PACSIN1: variants seen among roughly 807,000 people sequenced by gnomAD.
The protein encoded by PACSIN1 is protein kinase C and casein kinase substrate in neurons protein 1.
A neutral mutation model predicts 59.5 loss-of-function variants in PACSIN1; 15 were observed. That is an observed-to-expected ratio of 0.25 (90% CI 0.17 to 0.39). The LOEUF is 0.39. Ranked by LOEUF, PACSIN1 falls within the 10% of genes least tolerant of loss-of-function variation. PACSIN1 has a pLI of 1.00. For synonymous variants in PACSIN1, 210 were observed against 220.6 expected (o/e 0.95, Z 0.42); for missense variants, 420 against 580.2 (o/e 0.72, Z 2.84).
At chr6:34,496,941 CTTTTTT>C (rs11464603) in intron 1 of PACSIN1, among the ~76,000 whole-genome samples, 2 of 100,806 alleles carry the variant, frequency 2.0e-5, no homozygotes, top group Non-Finnish European at 3.6e-5. Context: ...CTCTCTCTCT[CTTTTTT>C]TTTTTTTTTT....
At position 34,530,328 on chromosome 6, in the gene PACSIN1, G is replaced by A; in HGVS notation, c.874G>A (p.Gly292Ser). Residue 292 changes from glycine to serine, a missense_variant, in exon 7 of 10, where the codon GGC (glycine) becomes AGC (serine). Coordinates refer to ENST00000244458, the MANE Select transcript of PACSIN1 (RefSeq NM_020804.5). The surrounding 1 kb of genome is among the most constrained non-coding windows in gnomAD (Gnocchi z 4.4). ...CCTCAGATGGTTCCGCAGCACCAGT[G>A]GCCCCGGCATGCCCATGAACTGGCC... ...EDLRWFRSTS[G>S]PGMPMNWPQF... The A allele has an allele frequency of 6.2e-7, 1 of 1,614,142 alleles. No individual in the cohort carries two copies. Among genetic ancestry groups the A allele is most frequent in the Non-Finnish European group, 8.5e-7 (1 of 1,180,026 alleles).
rs535826368 is a variant in PACSIN1 at position 34,510,530 on chromosome 6, C to T, written c.-63-15713C>T. Among the ~76,000 whole-genome samples, 7 of 152,314 alleles carry T rather than the reference C, an allele frequency of 4.6e-5. No homozygotes were observed. The South Asian group carries it at 1.0e-3, about 23-fold the overall frequency. ...ATTCAGCTGTGGGCTGCTTTCAATGCGCTCAGCTTACTCCCACCTCTAGGA... is the reference window on the plus strand; with the variant it reads ...ATTCAGCTGTGGGCTGCTTTCAATGTGCTCAGCTTACTCCCACCTCTAGGA... On this transcript the variant is annotated intron_variant, in intron 1 of 9. Transcript: ENST00000244458.
chr6:34,491,479 C>T (rs1475348310), intron 1 of PACSIN1, among the ~76,000 whole-genome samples: 1 of 152,086 alleles, frequency 6.6e-6, no homozygotes, highest in African/African-American at 2.4e-5. Flanking sequence ...AGTCCTGACA[C>T]CAACTGGGGT....
chr6:34,472,204 G>A (rs755989776), intron 1 of PACSIN1, among the ~76,000 whole-genome samples: 7 of 148,308 alleles, frequency 4.7e-5, no homozygotes, highest in Non-Finnish European at 6.0e-5. Flanking sequence ...CCCAGGAGGC[G>A]GAGGTTGAAG....
intron 1 of PACSIN1, among the ~76,000 whole-genome samples, chr6:34,469,763 C>G (rs1766546486): frequency 3.3e-5 from 5 of 152,158 alleles, no homozygotes. Flanking sequence ...CCTGGGGCAA[C>G]AGGTAGTGTT....
intron 1 of PACSIN1, among the ~76,000 whole-genome samples, chr6:34,494,714 G>T (rs558984668): frequency 6.6e-6 from 1 of 152,268 alleles, no homozygotes; most frequent in South Asian, 2.1e-4. Context: ...AAAGTGCTAG[G>T]CTATGAGCCA....
Position 34,531,721 on chromosome 6 carries a change from G to A in PACSIN1, c.1159G>A (p.Gly387Arg). Residue 387 changes from glycine (G) to arginine (R), a missense_variant, in exon 9 of 10, where the codon GGA becomes AGA. By Grantham distance (125) the Gly-to-Arg change is moderately radical. Coordinates refer to ENST00000244458, the MANE Select transcript of PACSIN1 (RefSeq NM_020804.5). This position sits in a 1 kb window ranked among gnomAD's most constrained non-coding sequence, Gnocchi z 4.4. ...GANPFEDDSK[G>R]VRVRALYDYD... is the part of the protein sequence containing the mutation. ...CAACCCCTTTGAGGACGACTCCAAG[G>A]GAGTGCGCGTGCGGGCACTCTACGA... The A allele has an allele frequency of 1.2e-6, 2 of 1,609,968 alleles. No homozygotes were observed. The highest frequency in any genetic ancestry group is 1.1e-5 in the South Asian group (1 of 90,770).
intron 1 of PACSIN1, among the ~76,000 whole-genome samples, chr6:34,481,531 G>C (rs558860332): frequency 2.0e-5 from 3 of 152,030 alleles, no homozygotes; most frequent in African/African-American, 7.2e-5. Flanking sequence ...TTAGCCAGGC[G>C]TGGTGGCGAG....
chr6:34,519,588 G>C (rs1767352958), intron 1 of PACSIN1, among the ~76,000 whole-genome samples: 1 of 152,104 alleles, frequency 6.6e-6, no homozygotes, highest in Non-Finnish European at 1.5e-5. Flanking sequence ...GATCCAGAGA[G>C]ATGAGGCTCC....
chr6:34,525,552 C>T lies in PACSIN1; in HGVS notation c.-63-691C>T, dbSNP rs1404078851. The stretch of plus-strand genomic sequence containing the variant: ...CAGCTTGTATCAGGGCCAGGCGCAG[C>T]CTGGACTCTGCTGCCTCTTTGAAAA... On this transcript the variant is annotated intron_variant, in intron 1 of 9. Transcript: ENST00000244458. This position sits in a 1 kb window ranked among gnomAD's most constrained non-coding sequence, Gnocchi z 4.9. Among the ~76,000 whole-genome samples the T allele has an allele frequency of 6.6e-6, 1 of 152,234 alleles. No individual in the cohort carries two copies. The highest frequency in any genetic ancestry group is 1.5e-5 in the Non-Finnish European group (1 of 68,032).
chr6:34,521,065 G>T lies in PACSIN1; in HGVS notation c.-63-5178G>T, dbSNP rs1656664373. Among the ~76,000 whole-genome samples, 3 of 152,216 alleles carry T rather than the reference G, an allele frequency of 2.0e-5. No individual in the cohort carries two copies. Among genetic ancestry groups the T allele is most frequent in the African/African-American group, 7.2e-5 (3 of 41,442 alleles). ...CAAAAGTGCACTGCGCACTTACTAT[G>T]TTGCCGGCACTGCACTGGATGCTGG... On this transcript the variant is annotated intron_variant, in intron 1 of 9. Transcript: ENST00000244458. The surrounding 1 kb of genome is among the most constrained non-coding windows in gnomAD (Gnocchi z 4.3).
At chr6:34,522,240 G>A (rs550889432) in intron 1 of PACSIN1, among the ~76,000 whole-genome samples, 3 of 152,342 alleles carry the variant, frequency 2.0e-5, no homozygotes, top group East Asian at 1.9e-4. Flanking sequence ...TACCAGCTCC[G>A]CTGTTTACTG....
At chr6:34,468,972 TAGG>T (rs1766534690) in intron 1 of PACSIN1, among the ~76,000 whole-genome samples, 2 of 152,268 alleles carry the variant, frequency 1.3e-5, no homozygotes, top group South Asian at 4.1e-4. Context: ...CGTCTCCCAT[TAGG>T]AGATGAGGGA....
chr6:34,523,899 T>C (rs971631218), intron 1 of PACSIN1, among the ~76,000 whole-genome samples: 1 of 152,052 alleles, frequency 6.6e-6, no homozygotes, highest in Non-Finnish European at 1.5e-5. Flanking sequence ...AGAACCGAGG[T>C]TGGAGTTGGG....
chr6:34,476,797 C>T (rs1766644910), intron 1 of PACSIN1, among the ~76,000 whole-genome samples: 1 of 152,198 alleles, frequency 6.6e-6, no homozygotes, highest in Non-Finnish European at 1.5e-5. Flanking sequence ...GGGCGGGTGG[C>T]AAATCACAGG....
intron 1 of PACSIN1, among the ~76,000 whole-genome samples, chr6:34,507,066 G>A (rs543780525): frequency 9.2e-5 from 14 of 152,158 alleles, no homozygotes; most frequent in Non-Finnish European, 2.1e-4. Context: ...TGTCTTGCTA[G>A]GCTGGGTCTC....
At chr6:34,523,425 G>A (rs1446480149) in intron 1 of PACSIN1, among the ~76,000 whole-genome samples, 1 of 152,234 alleles carries the variant, frequency 6.6e-6, no homozygotes, top group African/African-American at 2.4e-5. Context: ...AGCAGAATCT[G>A]CCTGGTCAGG....
intron 1 of PACSIN1, among the ~76,000 whole-genome samples, chr6:34,485,609 C>A (rs3846869): frequency 0.42 from 64,238 of 151,880 alleles, 13,855 homozygotes; most frequent in East Asian, 0.57. Flanking sequence ...CCAGGTGGGG[C>A]CGTTGAGGAG....
intron 1 of PACSIN1, among the ~76,000 whole-genome samples, chr6:34,503,266 C>CA (rs200906223): frequency 0.042 from 2,855 of 68,438 alleles, 65 homozygotes; most frequent in African/African-American, 0.11. Context: ...GAGATCCTGT[C>CA]AAAAAAAAAA....
Sources: gnomAD v4.1 joint callset for allele counts (sites outside exome capture counted in the v4.1 genomes callset) on GRCh38, gnomAD v4.1.1 for gene constraint, Gnocchi (gnomAD v3.1) non-coding constraint, MANE v1.5 for transcripts, NCBI Gene and HGNC (gene_info 2026-07-23, HGNC 2026-07-21) for gene names.